The following ADCY2 variants were observed in gnomAD, a reference collection of about 807,000 sequenced individuals.
ADCY2 encodes adenylate cyclase 2, also known as adenylate cyclase type 2.
In ADCY2, 31 loss-of-function variants were observed where a neutral mutation model predicts 125.2. That is an observed-to-expected ratio of 0.25 (90% CI 0.19 to 0.33). The LOEUF is 0.33. Among genes scored for constraint, ADCY2 ranks in the 10% least tolerant of loss-of-function variants. The probability of loss-of-function intolerance (pLI) is 1.00; values close to 1 mark genes in which losing one functional copy is unlikely to be tolerated. For synonymous variants in ADCY2, 512 were observed against 548.4 expected, an observed-to-expected ratio of 0.93 and a Z score of 0.93; for missense variants, 904 against 1,418.2, an observed-to-expected ratio of 0.64 and a Z score of 5.82.
Position 7,747,211 on chromosome 5 carries a change from G to A in ADCY2, c.1956+3459G>A, listed in dbSNP as rs370424012. 1.3e-3 allele frequency among the ~76,000 whole-genome samples: 195 copies of A among 152,226 alleles called. 1 individual carries two copies. The highest frequency in any genetic ancestry group is 4.4e-3 in the African/African-American group (181 of 41,548). On this transcript the variant is annotated intron_variant, in intron 15 of 24. Coordinates refer to ENST00000338316, the MANE Select transcript of ADCY2 (RefSeq NM_020546.3). Reference sequence around the variant, plus strand: ...TCTCAGTTCTTGTGCACGTGGGTGGGCCCAGCCACCGGGCACCTTCCAAGA... The same window carrying A: ...TCTCAGTTCTTGTGCACGTGGGTGGACCCAGCCACCGGGCACCTTCCAAGA...
At chr5:7,459,772 ATTTTTTTTTTTTTTTTTTTTTTTT>A (rs3033085) in intron 2 of ADCY2, among the ~76,000 whole-genome samples, 1 of 72,818 alleles carries the variant, frequency 1.4e-5, no homozygotes, top group Non-Finnish European at 2.4e-5. Flanking sequence ...TTAAGAGGTA[ATTTTTTTTTTTTTTTTTTTTTTTT>A]TTTTTTTTTG....
At chr5:7,397,553 T>C (rs1442225780) in intron 1 of ADCY2, among the ~76,000 whole-genome samples, 4 of 151,522 alleles carry the variant, frequency 2.6e-5, no homozygotes, top group African/African-American at 9.7e-5. Context: ...TATATTTATA[T>C]GTGTCCACCA....
rs770856893 is a variant in ADCY2 at position 7,724,619 on chromosome 5, G to GT, written c.1773+12dup. On this transcript the variant is annotated splice_donor_region_variant and intron_variant, in intron 13 of 24. Transcript: ENST00000338316. Reference sequence around the variant, plus strand: ...AACAAAGTACTAGAAAAAGAGGTAAGTTTTTTTCTTCTTCAAAATCATCAA... The same window carrying GT: ...AACAAAGTACTAGAAAAAGAGGTAAGTTTTTTTTCTTCTTCAAAATCATCAA... 1 of 1,557,782 alleles carries GT rather than the reference G, an allele frequency of 6.4e-7. No individual in the cohort carries two copies. Among genetic ancestry groups the GT allele is most frequent in the Non-Finnish European group, 8.7e-7 (1 of 1,150,990 alleles).
intron 4 of ADCY2, among the ~76,000 whole-genome samples, chr5:7,666,676 AT>A (rs1234397013): frequency 4.6e-5 from 7 of 152,302 alleles, no homozygotes; most frequent in African/African-American, 1.7e-4. Context: ...AGCCCCCATT[AT>A]CTGGTTCTAA....
chr5:7,612,961 A>G (rs1737618196), intron 3 of ADCY2, among the ~76,000 whole-genome samples: 1 of 152,128 alleles, frequency 6.6e-6, no homozygotes, highest in Admixed American at 6.5e-5. Context: ...GCTTGCAGTG[A>G]GCTGAGATTG....
rs55746870 is a variant in ADCY2 at position 7,607,210 on chromosome 5, A to T, written c.571-18957A>T. On this transcript the variant is annotated intron_variant, in intron 3 of 24. Coordinates refer to ENST00000338316, the MANE Select transcript of ADCY2 (RefSeq NM_020546.3). ...AGGATGACTTTCTTTTGGTTTAAAA[A>T]ATTACACCAGGTCTCACATTTTTAG... 4.4e-4 allele frequency among the ~76,000 whole-genome samples: 67 copies of T among 152,346 alleles called. No homozygotes were observed. The Middle Eastern group carries it at 0.017, about 39-fold the overall frequency.
intron 3 of ADCY2, among the ~76,000 whole-genome samples, chr5:7,612,411 C>T (rs537612555): frequency 3.3e-5 from 5 of 152,260 alleles, no homozygotes; most frequent in African/African-American, 7.2e-5. Context: ...TAAATTGAGG[C>T]GGGGCCTAGC....
chr5:7,531,092 G>A (rs564993955), intron 3 of ADCY2, among the ~76,000 whole-genome samples: 1 of 152,262 alleles, frequency 6.6e-6, no homozygotes, highest in African/African-American at 2.4e-5. Context: ...GAAGGTTAAT[G>A]GAATAGCAGC....
Position 7,816,970 on chromosome 5 carries a change from A to G in ADCY2, c.2988A>G (p.Lys996=). The change falls in exon 23 of 25, where the codon AAA becomes AAG. Residue 996 remains lysine, a synonymous_variant. Transcript: ENST00000338316. ...ACAAGCACTCCTTCAACGACTTCAA[A>G]TTGCGAGTGGGTACGTTCTGCAAAA... ...AINKHSFNDF[K]LRVGINHGPV... 1 of 1,614,036 alleles carries G rather than the reference A, an allele frequency of 6.2e-7. No homozygotes were observed. Among genetic ancestry groups the G allele is most frequent in the Non-Finnish European group, 8.5e-7 (1 of 1,179,946 alleles).
chr5:7,761,148 C>CTTTTTTTTTTTTTT (rs367998018), intron 16 of ADCY2, among the ~76,000 whole-genome samples: 1,015 of 88,070 alleles, frequency 0.012, 20 homozygotes, highest in Non-Finnish European at 0.015. Context: ...CTTTTCTTTT[C>CTTTTTTTTTTTTTT]TTTTTTTTTT....
At chr5:7,563,345 C>A (rs1295000840) in intron 3 of ADCY2, among the ~76,000 whole-genome samples, 1 of 152,146 alleles carries the variant, frequency 6.6e-6, no homozygotes, top group Non-Finnish European at 1.5e-5. Flanking sequence ...TAGCGATGAG[C>A]ATACCCTGCA....
At chr5:7,729,252 C>G (rs538255883) in intron 14 of ADCY2, among the ~76,000 whole-genome samples, 8 of 152,062 alleles carry the variant, frequency 5.3e-5, no homozygotes, top group Non-Finnish European at 7.3e-5. Flanking sequence ...CAGAAAAGTA[C>G]AGAGTATGAT....
At chr5:7,589,587 A>G (rs1048294552) in intron 3 of ADCY2, among the ~76,000 whole-genome samples, 2 of 152,118 alleles carry the variant, frequency 1.3e-5, no homozygotes, top group Non-Finnish European at 2.9e-5. Context: ...AAGAAAATAC[A>G]TATTGGTGAA....
At chr5:7,611,822 AT>A (rs1027596432) in intron 3 of ADCY2, among the ~76,000 whole-genome samples, 1 of 152,150 alleles carries the variant, frequency 6.6e-6, no homozygotes, top group Non-Finnish European at 1.5e-5. Flanking sequence ...TAAGTGTGTA[AT>A]TTTTTATAAA....
intron 2 of ADCY2, among the ~76,000 whole-genome samples, chr5:7,466,957 T>C (rs529575048): frequency 6.6e-6 from 1 of 152,248 alleles, no homozygotes; most frequent in East Asian, 1.9e-4. Flanking sequence ...GTAGAAACCA[T>C]CCTTCCTTCA....
intron 4 of ADCY2, among the ~76,000 whole-genome samples, chr5:7,686,568 C>T (rs1056754931): frequency 6.6e-6 from 1 of 152,124 alleles, no homozygotes; most frequent in Non-Finnish European, 1.5e-5. Flanking sequence ...GAAGTAATAA[C>T]CAGTGTGCAT....
chr5:7,676,379 A>G (rs1248545078), intron 4 of ADCY2, among the ~76,000 whole-genome samples: 3 of 152,238 alleles, frequency 2.0e-5, no homozygotes, highest in South Asian at 4.1e-4. Context: ...GGATCACTAA[A>G]GGATGAATCA....
chr5:7,717,344 CCATT>C (rs1741621193), intron 12 of ADCY2, 107 bp downstream of exon 12: 1 of 633,386 alleles, frequency 1.6e-6, no homozygotes, highest in Non-Finnish European at 2.7e-6. Flanking sequence ...GTTTCTGAGA[CCATT>C]CATTCATTTC....
intron 1 of ADCY2, among the ~76,000 whole-genome samples, chr5:7,400,830 T>G (rs1168026972): frequency 6.6e-6 from 1 of 152,256 alleles, no homozygotes; most frequent in African/African-American, 2.4e-5. Context: ...AGTTATAATT[T>G]ACTTGTGGTA....
Sources: allele counts gnomAD v4.1 joint callset (sites outside exome capture counted in the v4.1 genomes callset), GRCh38; gene constraint gnomAD v4.1.1; transcripts MANE v1.5; gene names NCBI Gene and HGNC (gene_info 2026-07-23, HGNC 2026-07-21).